SPTY2D1: variants seen among roughly 807,000 people sequenced by gnomAD.
SPTY2D1 encodes protein SPT2 homolog.
SPTY2D1 carries 21 observed loss-of-function variants against 64.0 expected under a neutral mutation model. That is an observed-to-expected ratio of 0.33 (90% confidence interval 0.23 to 0.47). The LOEUF (loss-of-function observed/expected upper bound fraction) is 0.47, where lower values mean the gene tolerates loss of function less well. Ranked by LOEUF, SPTY2D1 falls within the 20% of genes least tolerant of loss-of-function variation. The pLI is 1.00. For synonymous variants in SPTY2D1, 287 were observed against 286.8 expected, an observed-to-expected ratio of 1.00 and a Z score of -0.01; for missense variants, 724 against 837.2, an observed-to-expected ratio of 0.86 and a Z score of 1.67.
At chr11:18,621,357 AAAGAAAAG>A (rs1223125618) in intron 1 of SPTY2D1, among the ~76,000 whole-genome samples, 1 of 151,596 alleles carries the variant, frequency 6.6e-6, no homozygotes, top group Non-Finnish European at 1.5e-5. Flanking sequence ...AAAGAAAAGA[AAAGAAAAG>A]AAAAGAAAAG....
At chr11:18,629,004 C>T (rs1435807621) in intron 1 of SPTY2D1, among the ~76,000 whole-genome samples, 1 of 152,100 alleles carries the variant, frequency 6.6e-6, no homozygotes, top group Non-Finnish European at 1.5e-5. Context: ...ACTTTCACTA[C>T]CTATGGTTCT....
intron 1 of SPTY2D1, among the ~76,000 whole-genome samples, chr11:18,628,096 C>T (rs1173871451): frequency 6.6e-6 from 1 of 152,142 alleles, no homozygotes; most frequent in African/African-American, 2.4e-5. Context: ...TACTATTACA[C>T]CCTTAATGTG....
At chr11:18,619,876 T>C (rs1854364146) in intron 1 of SPTY2D1, among the ~76,000 whole-genome samples, 1 of 152,196 alleles carries the variant, frequency 6.6e-6, no homozygotes, top group Admixed American at 6.5e-5. Flanking sequence ...AATACATATA[T>C]TAGCATTACT....
In SPTY2D1 at chr11:18,615,779, T is replaced by C; in HGVS notation, c.495A>G (p.Pro165=). ...TGAGTAAATCAGTGAAGTTCATGGG[T>C]GGTGGGGCACTTTTAAGGGGGACCT... The part of the protein sequence containing the change: ...KPKVPLKSAP[P]PMNFTDLLRL... Residue 165 remains proline, a synonymous_variant, in exon 3 of 6, where the codon CCA becomes CCG. Coordinates refer to ENST00000336349, the MANE Select transcript of SPTY2D1 (RefSeq NM_194285.3). The C allele has an allele frequency of 2.5e-6, 4 of 1,614,100 alleles. No homozygotes were observed. The highest frequency in any genetic ancestry group is 3.4e-6 in the Non-Finnish European group (4 of 1,179,992).
In SPTY2D1 at chr11:18,615,870, T is replaced by C. The variant is rs774276319; in HGVS notation, c.404A>G (p.Asn135Ser). ...MEEENEFLEYNHAESEQEYEE... is the reference protein window; with the variant it reads ...MEEENEFLEYSHAESEQEYEE... The stretch of plus-strand genomic sequence containing the variant: ...ATACTCCTGCTCTGACTCTGCGTGA[T>C]TGTACTCGAGGAATTCATTCTCTTC... The change falls in exon 3 of 6, where the codon AAT becomes AGT. Residue 135 changes from asparagine to serine, a missense_variant. By Grantham distance (46) the Asn-to-Ser change is conservative. Coordinates refer to ENST00000336349, the MANE Select transcript of SPTY2D1 (RefSeq NM_194285.3). 5.6e-6 allele frequency: 9 copies of C among 1,614,028 alleles called. No individual in the cohort carries two copies. The highest frequency in any genetic ancestry group is 7.6e-6 in the Non-Finnish European group (9 of 1,180,030).
At chr11:18,623,539 G>A (rs1854450212) in intron 1 of SPTY2D1, among the ~76,000 whole-genome samples, 2 of 152,186 alleles carry the variant, frequency 1.3e-5, no homozygotes, top group African/African-American at 4.8e-5. Context: ...AAGGTATTTT[G>A]TAGATATAAT....
intron 1 of SPTY2D1, among the ~76,000 whole-genome samples, chr11:18,619,870 C>T (rs949320977): frequency 3.9e-5 from 6 of 152,180 alleles, no homozygotes; most frequent in African/African-American, 7.2e-5. Flanking sequence ...AATGCAAATA[C>T]ATATATTAGC....
At chr11:18,619,737 C>T (rs1449110924) in intron 1 of SPTY2D1, among the ~76,000 whole-genome samples, 1 of 151,974 alleles carries the variant, frequency 6.6e-6, no homozygotes, top group Non-Finnish European at 1.5e-5. Context: ...AGCCTGGTGA[C>T]AGAGCAAGAC....
rs749523992 is a variant in SPTY2D1, at chr11:18,614,995, G to A, written c.1279C>T (p.Arg427Trp). ...GGGCCACATGTACCACTGACTGTCC[G>A]CCTAGAGGGATTTGAGTCATTGGTT... Reference protein sequence around the residue: ...KPTNDSNPSRRTVSGTCGPGQ... With the variant: ...KPTNDSNPSRWTVSGTCGPGQ... The change falls in exon 3 of 6, where the codon CGG becomes TGG. Residue 427 changes from arginine (R) to tryptophan (W), a missense_variant. Physicochemically the swap from Arg to Trp is moderately radical, Grantham distance 101. Coordinates refer to ENST00000336349, the MANE Select transcript of SPTY2D1 (RefSeq NM_194285.3). 5.0e-6 allele frequency: 8 copies of A among 1,614,178 alleles called. No homozygotes were observed. In the Admixed American group the frequency reaches 5.0e-5, roughly 10 times the overall value.
chr11:18,628,288 T>C (rs961916284), intron 1 of SPTY2D1, among the ~76,000 whole-genome samples: 2 of 152,252 alleles, frequency 1.3e-5, no homozygotes, highest in African/African-American at 4.8e-5. Context: ...TGAATAATGC[T>C]GCTGTGAACA....
At chr11:18,631,599 TA>T (rs1489738318) in intron 1 of SPTY2D1, among the ~76,000 whole-genome samples, 1 of 34,444 alleles carries the variant, frequency 2.9e-5, no homozygotes, top group Non-Finnish European at 6.6e-5. Flanking sequence ...TTAAAATAGA[TA>T]ACAAAAAAAA....
chr11:18,628,165 C>A (rs1854529255), intron 1 of SPTY2D1, among the ~76,000 whole-genome samples: 1 of 152,226 alleles, frequency 6.6e-6, no homozygotes, highest in Admixed American at 6.5e-5. Context: ...ATTGCTGCAA[C>A]TATGCATTAA....
At chr11:18,622,532 T>C (rs570708667) in intron 1 of SPTY2D1, among the ~76,000 whole-genome samples, 3 of 151,260 alleles carry the variant, frequency 2.0e-5, no homozygotes, top group South Asian at 4.2e-4. Context: ...GTCTCAAAAA[T>C]AAAATCTTTG....
At position 18,609,844 on chromosome 11, in the gene SPTY2D1, AAAAAT is replaced by A; in HGVS notation, c.*12_*16del. On this transcript the variant is annotated 3_prime_UTR_variant, in exon 6 of 6. Transcript: ENST00000336349. ...CAGCAGAGCAGCTCTAGAATTTCAC[AAAAAT>A]AAAAGCAGCAGCTAACGCCTCTTCA... 1 of 1,613,034 alleles carries A rather than the reference AAAAAT, an allele frequency of 6.2e-7. No individual in the cohort carries two copies. The highest frequency in any genetic ancestry group is 8.5e-7 in the Non-Finnish European group (1 of 1,179,458).
At chr11:18,611,906 C>A (rs1854212344) in intron 4 of SPTY2D1, among the ~76,000 whole-genome samples, 1 of 152,014 alleles carries the variant, frequency 6.6e-6, no homozygotes, top group African/African-American at 2.4e-5. Flanking sequence ...ATATAATAAT[C>A]TAATTTGAGC....
chr11:18,627,803 C>T (rs565508869), intron 1 of SPTY2D1, among the ~76,000 whole-genome samples: 3 of 150,656 alleles, frequency 2.0e-5, no homozygotes, highest in South Asian at 2.1e-4. Context: ...GGCGTGAGCC[C>T]GCGAGGCGGA....
In SPTY2D1 at chr11:18,634,187, C is replaced by T. The variant is rs375668734; in HGVS notation, c.60+11G>A. Reference sequence around the variant, plus strand: ...AGGGTCCCCTACATTGATGCCCCAGCTGCTACTTACCGGCACATTGTTGAC... The same window carrying T: ...AGGGTCCCCTACATTGATGCCCCAGTTGCTACTTACCGGCACATTGTTGAC... On this transcript the variant is annotated intron_variant, in intron 1 of 5. Coordinates refer to ENST00000336349, the MANE Select transcript of SPTY2D1 (RefSeq NM_194285.3). The T allele has an allele frequency of 5.0e-5, 80 of 1,614,216 alleles. No homozygotes were observed. The highest frequency in any genetic ancestry group is 6.2e-5 in the Non-Finnish European group (73 of 1,180,028).
At chr11:18,618,564 A>C (rs1262494546) in intron 1 of SPTY2D1, among the ~76,000 whole-genome samples, 1 of 152,220 alleles carries the variant, frequency 6.6e-6, no homozygotes, top group Non-Finnish European at 1.5e-5. Context: ...TCCAGGAAAT[A>C]AGATTTTTAA....
rs1854127170 is a variant in SPTY2D1 at position 18,607,437 on chromosome 11, A to G, written c.*2424T>C. The G allele has an allele frequency of 6.6e-6, 1 of 152,658 alleles. No homozygotes were observed. The highest frequency in any genetic ancestry group is 2.1e-4 in the South Asian group (1 of 4,832). The allele number at this position is 152,658 out of a possible 1,614,324, so 9.5% of individuals were successfully genotyped here. ...GAGAATGCCACACCCATGATCATGT[A>G]ACATTATTACAATCATGAAATATTA... is the stretch of plus-strand genomic sequence containing the variant. On this transcript the variant is annotated 3_prime_UTR_variant, in exon 6 of 6. Coordinates refer to ENST00000336349, the MANE Select transcript of SPTY2D1 (RefSeq NM_194285.3).
Sources: gnomAD v4.1 joint callset for allele counts (sites outside exome capture counted in the v4.1 genomes callset) on GRCh38, gnomAD v4.1.1 for gene constraint, MANE v1.5 for transcripts, NCBI Gene and HGNC (gene_info 2026-07-23, HGNC 2026-07-21) for gene names.